Variants in KATNAL2 observed in about 807,000 individuals in gnomAD.
KATNAL2 encodes katanin catalytic subunit A1 like 2.
KATNAL2 carries 52 observed loss-of-function variants against 76.3 expected under a neutral mutation model. The observed-to-expected ratio is 0.68, with a 90% CI of 0.55 to 0.86. KATNAL2 has a LOEUF of 0.86. KATNAL2 is among the 40% of genes least tolerant of loss of function. KATNAL2 has a pLI of 0.00. For synonymous variants in KATNAL2, 243 were observed against 244.2 expected (o/e 1.00, Z 0.05); for missense variants, 660 against 668.9 (o/e 0.99, Z 0.15).
At chr18:47,031,499 G>C (rs1485423813) in intron 3 of KATNAL2, among the ~76,000 whole-genome samples, 1 of 152,132 alleles carries the variant, frequency 6.6e-6, no homozygotes, top group Non-Finnish European at 1.5e-5. Flanking sequence ...GAGAATCGGG[G>C]AATGGGGATT....
chr18:47,095,199 T>G (rs1444188073), intron 15 of KATNAL2, among the ~76,000 whole-genome samples: 1 of 152,198 alleles, frequency 6.6e-6, no homozygotes, highest in Non-Finnish European at 1.5e-5. Context: ...TGGTGTTTAG[T>G]AGGAGGAAGC....
intron 1 of KATNAL2, among the ~76,000 whole-genome samples, chr18:46,925,835 T>G (rs2058710977): frequency 6.6e-6 from 1 of 152,212 alleles, no homozygotes; most frequent in Admixed American, 6.5e-5. Context: ...GTCGAGGAAT[T>G]TATCCATTTC....
intron 8 of KATNAL2, among the ~76,000 whole-genome samples, chr18:47,060,960 T>C (rs1021521565): frequency 6.6e-6 from 1 of 152,228 alleles, no homozygotes; most frequent in East Asian, 1.9e-4. Flanking sequence ...GAATGGATGT[T>C]TTTGATTGGG....
chr18:47,056,805 GAC>G (rs1186782891), intron 6 of KATNAL2, among the ~76,000 whole-genome samples: 2 of 145,604 alleles, frequency 1.4e-5, no homozygotes, highest in African/African-American at 2.5e-5. Flanking sequence ...TTTAAATACA[GAC>G]ACACACACAC....
intron 1 of KATNAL2, among the ~76,000 whole-genome samples, chr18:46,919,594 AGCTGCGATCGCACCATT>A (rs2058409793): frequency 1.3e-5 from 2 of 152,208 alleles, no homozygotes; most frequent in Non-Finnish European, 2.9e-5. Flanking sequence ...GGTTGCAGTG[AGCTGCGATCGCACCATT>A]GCACTCCAGC....
At position 47,099,304 on chromosome 18, in the gene KATNAL2, C is replaced by A. The variant is rs374926522; in HGVS notation, c.1273C>A (p.Arg425=). The A allele has an allele frequency of 6.2e-7, 1 of 1,614,128 alleles. No homozygotes were observed. The highest frequency in any genetic ancestry group is 1.7e-5 in the Admixed American group (1 of 60,032). Residue 425 remains arginine, a synonymous_variant, in exon 16 of 18, where the codon CGG becomes AGG. Coordinates refer to ENST00000683218, the MANE Select transcript of KATNAL2 (RefSeq NM_001387690.1). Reference sequence around the variant, plus strand: ...GAGGATTCTGGTCGATCTCCCCAGCCGGGAGGCCAGGCAGGCCATGATCTA... The same window carrying A: ...GAGGATTCTGGTCGATCTCCCCAGCAGGGAGGCCAGGCAGGCCATGATCTA... ...EKRILVDLPS[R]EARQAMIYHW...
At chr18:47,035,768 T>C (rs2060747667) in intron 3 of KATNAL2, 2 of 189,942 alleles carry the variant, frequency 1.1e-5, no homozygotes, top group Admixed American at 1.1e-4. Flanking sequence ...GTTTTACCGT[T>C]GACCTTCCAT....
intron 13 of KATNAL2, among the ~76,000 whole-genome samples, chr18:47,071,838 A>G (rs1174224805): frequency 6.6e-6 from 1 of 151,000 alleles, no homozygotes; most frequent in Non-Finnish European, 1.5e-5. Context: ...CCTCTGGTTC[A>G]GTATTATTTT....
chr18:46,927,580 G>T (rs1472699776), intron 1 of KATNAL2, among the ~76,000 whole-genome samples: 2 of 151,952 alleles, frequency 1.3e-5, no homozygotes, highest in African/African-American at 4.8e-5. Flanking sequence ...TGCTCTTCTC[G>T]AGGAGTATTT....
chr18:47,034,734 G>T, intron 3 of KATNAL2: 1 of 1,613,030 alleles, frequency 6.2e-7, no homozygotes, highest in Non-Finnish European at 8.5e-7. Flanking sequence ...GCATCCGGAG[G>T]GGAGCTGTGC....
intron 13 of KATNAL2, among the ~76,000 whole-genome samples, chr18:47,073,417 G>T (rs777805409): frequency 6.6e-6 from 1 of 152,140 alleles, no homozygotes; most frequent in African/African-American, 2.4e-5. Context: ...GAAGGAACTC[G>T]TCTCATTTCC....
intron 15 of KATNAL2, among the ~76,000 whole-genome samples, chr18:47,086,745 G>A (rs533818580): frequency 2.0e-5 from 3 of 152,246 alleles, no homozygotes; most frequent in Admixed American, 6.5e-5. Flanking sequence ...TGTGTTTTAC[G>A]GGTAAAACCC....
intron 1 of KATNAL2, among the ~76,000 whole-genome samples, chr18:46,940,197 A>T (rs944056855): frequency 6.6e-6 from 1 of 151,722 alleles, no homozygotes; most frequent in Non-Finnish European, 1.5e-5. Flanking sequence ...CTGAACTGTT[A>T]TGTGGGGCTA....
At position 47,102,097 on chromosome 18, in the gene KATNAL2, C is replaced by G. The variant is rs2063447507; in HGVS notation, c.*1092C>G. 1 of 152,160 alleles carries G rather than the reference C, an allele frequency of 6.6e-6. No homozygotes were observed. The highest frequency in any genetic ancestry group is 1.5e-5 in the Non-Finnish European group (1 of 68,024). The allele number at this position is 152,160 out of a possible 1,614,324, so 9.4% of individuals were successfully genotyped here. A position where few individuals can be genotyped will look rare whatever the true frequency, so the allele number is the denominator to read the frequency against. On this transcript the variant is annotated 3_prime_UTR_variant, in exon 18 of 18. Transcript: ENST00000683218. The stretch of plus-strand genomic sequence containing the variant: ...AGCTAAGTATCCCAAAGGATTTTAC[C>G]CTTTTAAACAAAACCAAAGCATTTT...
chr18:47,072,241 C>G (rs1457394265), intron 13 of KATNAL2, among the ~76,000 whole-genome samples: 1 of 151,942 alleles, frequency 6.6e-6, no homozygotes, highest in Non-Finnish European at 1.5e-5. Context: ...CAGGCATGAG[C>G]CACCGTGCCC....
chr18:47,086,208 A>G (rs1436982104), intron 15 of KATNAL2, among the ~76,000 whole-genome samples: 1 of 152,194 alleles, frequency 6.6e-6, no homozygotes, highest in Non-Finnish European at 1.5e-5. Context: ...TCACAAGTCT[A>G]GTGTTCCATT....
At position 47,034,729 on chromosome 18, in the gene KATNAL2, C is replaced by A. The variant is rs2571028; in HGVS notation, c.52-11728C>A. 9.9e-6 allele frequency: 16 copies of A among 1,611,816 alleles called. No individual in the cohort carries two copies. The Admixed American group carries it at 1.0e-4, about 10-fold the overall frequency. ...AGCGGGCTCAGGGCCCTCGGGCATCCGGAGGGGAGCTGTGCGCGTTGGAGA... is the reference window on the plus strand; with the variant it reads ...AGCGGGCTCAGGGCCCTCGGGCATCAGGAGGGGAGCTGTGCGCGTTGGAGA... On this transcript the variant is annotated intron_variant, in intron 3 of 17. Coordinates refer to ENST00000683218, the MANE Select transcript of KATNAL2 (RefSeq NM_001387690.1).
chr18:46,957,409 C>T lies in KATNAL2; in HGVS notation c.51+10486C>T, dbSNP rs926348234. On this transcript the variant is annotated intron_variant, in intron 3 of 17. Transcript: ENST00000683218. ...AGCTGGGACTACAGGCGCCCGCCAC[C>T]TCACCCGGCTAATTTTTTGTATTTT... Among the ~76,000 whole-genome samples, 18 of 151,762 alleles carry T rather than the reference C, an allele frequency of 1.2e-4. No individual in the cohort carries two copies. In the East Asian group the frequency reaches 3.1e-3, roughly 26 times the overall value.
At chr18:47,036,885 G>A in intron 3 of KATNAL2, among the ~76,000 whole-genome samples, 1 of 152,092 alleles carries the variant, frequency 6.6e-6, no homozygotes, top group Admixed American at 6.5e-5. Flanking sequence ...ATTTTTTTGG[G>A]TTGTACAGCA....
Sources: gnomAD v4.1 joint callset for allele counts (sites outside exome capture counted in the v4.1 genomes callset) on GRCh38, gnomAD v4.1.1 for gene constraint, MANE v1.5 for transcripts, NCBI Gene and HGNC (gene_info 2026-07-23, HGNC 2026-07-21) for gene names.